The following ZNF490 variants were observed in gnomAD, a reference collection of about 807,000 sequenced individuals.
ZNF490 encodes the protein zinc finger protein 490.
In ZNF490, 11 loss-of-function variants were observed where a neutral mutation model predicts 17.7. The ratio of observed to expected loss-of-function variants is 0.62; its 90% confidence interval spans 0.39 to 1.03. The LOEUF (loss-of-function observed/expected upper bound fraction) is 1.03. Ranked by LOEUF, ZNF490 falls within the 50% of genes least tolerant of loss-of-function variation. The probability of loss-of-function intolerance (pLI) is 0.00; values close to 1 mark genes in which losing one functional copy is unlikely to be tolerated. For synonymous variants in ZNF490, 222 were observed against 216.1 expected, an observed-to-expected ratio of 1.03 and a Z score of -0.24; for missense variants, 542 against 643.4, an observed-to-expected ratio of 0.84 and a Z score of 1.71.
In ZNF490 at chr19:12,576,491, C is replaced by T. The variant is rs763645939; in HGVS notation, c.*3994G>A. Among the ~76,000 whole-genome samples, 14 of 146,526 alleles carry T rather than the reference C, an allele frequency of 9.6e-5. No individual in the cohort carries two copies. The highest frequency in any genetic ancestry group is 2.0e-4 in the East Asian group (1 of 4,902). ...ACTGCAGTCCAGCTTGGTGACAGAG[C>T]GAGACTGTGTCTCAAAAAAACAACA... On this transcript the variant is annotated 3_prime_UTR_variant, in exon 5 of 5. Coordinates refer to ENST00000311437, the MANE Select transcript of ZNF490 (RefSeq NM_020714.3).
At chr19:12,602,077 T>TACACACACAC (rs1386548305) in intron 2 of ZNF490, among the ~76,000 whole-genome samples, 2 of 59,032 alleles carry the variant, frequency 3.4e-5, no homozygotes, top group African/African-American at 9.7e-5. Context: ...CAGTTCACTA[T>TACACACACAC]ATACACACAC....
Position 12,598,858 on chromosome 19 carries a change from G to A in ZNF490, c.162+10300C>T, listed in dbSNP as rs535099637. On this transcript the variant is annotated intron_variant, in intron 2 of 4. Transcript: ENST00000311437. The stretch of plus-strand genomic sequence containing the variant: ...AAAAATTAGCTAGGCATGGTGGCGC[G>A]CACCTGTAGTCCCAGCTACTAGGGA... Among the ~76,000 whole-genome samples the A allele has an allele frequency of 7.1e-3, 1,072 of 151,560 alleles. 8 individuals carry two copies. Among genetic ancestry groups the A allele is most frequent in the Admixed American group, 0.012 (185 of 15,222 alleles).
chr19:12,598,693 A>G (rs987268990), intron 2 of ZNF490, among the ~76,000 whole-genome samples: 1 of 149,490 alleles, frequency 6.7e-6, no homozygotes, highest in South Asian at 2.2e-4. Context: ...CTCCCTTTTT[A>G]AAACCCAGGA....
Position 12,576,931 on chromosome 19 carries a change from A to G in ZNF490, c.*3554T>C, listed in dbSNP as rs1312405818. On this transcript the variant is annotated 3_prime_UTR_variant, in exon 5 of 5. Coordinates refer to ENST00000311437, the MANE Select transcript of ZNF490 (RefSeq NM_020714.3). ...AAAATCACACACGTTATCACTGTAC[A>G]TACAGGTGGACAGACACAAATTCAC... Among the ~76,000 whole-genome samples, 1 of 152,052 alleles carries G rather than the reference A, an allele frequency of 6.6e-6. No homozygotes were observed. Among genetic ancestry groups the G allele is most frequent in the East Asian group, 1.9e-4 (1 of 5,196 alleles).
intron 1 of ZNF490, among the ~76,000 whole-genome samples, chr19:12,610,273 A>T (rs1468889374): frequency 6.7e-6 from 1 of 149,982 alleles, no homozygotes; most frequent in Non-Finnish European, 1.5e-5. Context: ...TCCTGGAGTC[A>T]AGCGATCCAC....
intron 2 of ZNF490, among the ~76,000 whole-genome samples, chr19:12,605,481 AT>A (rs1389828179): frequency 2.0e-4 from 17 of 84,028 alleles, no homozygotes; most frequent in African/African-American, 9.3e-4. Flanking sequence ...ACCCTGCTCT[AT>A]TAAAAAAAAA....
At chr19:12,582,625 A>G (rs535815585) in intron 4 of ZNF490, among the ~76,000 whole-genome samples, 34 of 151,060 alleles carry the variant, frequency 2.3e-4, no homozygotes, top group African/African-American at 8.3e-4. Context: ...CGATCTCCTG[A>G]TCTCATGATC....
rs1202812658 is a variant in ZNF490 at position 12,579,187 on chromosome 19, A to C, written c.*1298T>G. 6.7e-6 allele frequency: 1 copy of C among 149,412 alleles called. No homozygotes were observed. Among genetic ancestry groups the C allele is most frequent in the African/African-American group, 2.5e-5 (1 of 40,152 alleles). 9.3% of individuals were successfully genotyped at this position (149,412 alleles called of 1,614,324 possible). On this transcript the variant is annotated 3_prime_UTR_variant, in exon 5 of 5. Coordinates refer to ENST00000311437, the MANE Select transcript of ZNF490 (RefSeq NM_020714.3). ...AGAATGGCGTGAACCCAGGAGGCGG[A>C]GCTTGCAGTGAGCTGAGATCGCGCC... is the stretch of plus-strand genomic sequence containing the variant.
At position 12,587,491 on chromosome 19, in the gene ZNF490, T is replaced by C. The variant is rs1450627609; in HGVS notation, c.163-3935A>G. 8.7e-5 allele frequency among the ~76,000 whole-genome samples: 7 copies of C among 80,110 alleles called. 1 individual carries two copies. The highest frequency in any genetic ancestry group is 2.6e-4 in the African/African-American group (7 of 26,926). The allele number at this position is 80,110 out of a possible 152,430, so 52.6% of individuals were successfully genotyped here. On this transcript the variant is annotated intron_variant, in intron 2 of 4. Coordinates refer to ENST00000311437, the MANE Select transcript of ZNF490 (RefSeq NM_020714.3). Reference sequence around the variant, plus strand: ...TGGGGGGAGGGGGGAGGGATAGCATTAGGAGATATACCTAATGTAAATGAC... The same window carrying C: ...TGGGGGGAGGGGGGAGGGATAGCATCAGGAGATATACCTAATGTAAATGAC...
At chr19:12,609,257 A>T in intron 1 of ZNF490, 55 bp from the exon 2 acceptor site, 1 of 1,518,560 alleles carries the variant, frequency 6.6e-7, no homozygotes, top group Non-Finnish European at 9.1e-7. Context: ...AGAACTAAAC[A>T]TGACCTTTGA....
chr19:12,578,513 T>G lies in ZNF490; in HGVS notation c.*1972A>C, dbSNP rs745859180. ...AATGTTTAAACAAGTGTCCAAAGTG[T>G]AGGTTTGAGATGGGAAATGGAGCTG... On this transcript the variant is annotated 3_prime_UTR_variant, in exon 5 of 5. Transcript: ENST00000311437. The G allele has an allele frequency of 2.3e-4, 231 of 985,332 alleles. No homozygotes were observed. The highest frequency in any genetic ancestry group is 2.7e-4 in the Non-Finnish European group (225 of 829,928). 61.0% of individuals were successfully genotyped at this position (985,332 alleles called of 1,614,324 possible).
chr19:12,605,651 T>C (rs2023059018), intron 2 of ZNF490, among the ~76,000 whole-genome samples: 1 of 152,282 alleles, frequency 6.6e-6, no homozygotes, highest in African/African-American at 2.4e-5. Context: ...GACTTACAAC[T>C]GACATTTGCA....
chr19:12,600,440 T>C (rs2022989154), intron 2 of ZNF490, among the ~76,000 whole-genome samples: 1 of 152,110 alleles, frequency 6.6e-6, no homozygotes, highest in Non-Finnish European at 1.5e-5. Flanking sequence ...TTTGGCTTAT[T>C]TGGTACAAAA....
chr19:12,590,799 T>A (rs1203721624), intron 2 of ZNF490, among the ~76,000 whole-genome samples: 3 of 152,088 alleles, frequency 2.0e-5, no homozygotes, highest in African/African-American at 7.2e-5. Flanking sequence ...CAAAGGCAGC[T>A]GGGTGTGGTG....
At position 12,609,214 on chromosome 19, in the gene ZNF490, C is replaced by A. The variant is rs141360111; in HGVS notation, c.118-12G>T. On this transcript the variant is annotated splice_polypyrimidine_tract_variant and intron_variant, in intron 1 of 4. Coordinates refer to ENST00000311437, the MANE Select transcript of ZNF490 (RefSeq NM_020714.3). ...TCACTGTTCTGCATCTAATTAGAAA[C>A]AAGAGGATGCATTTTGTGAGTTTCA... is the stretch of plus-strand genomic sequence containing the variant. 2 of 1,613,504 alleles carry A rather than the reference C, an allele frequency of 1.2e-6. No individual in the cohort carries two copies. Among genetic ancestry groups the A allele is most frequent in the East Asian group, 2.2e-5 (1 of 44,868 alleles).
At chr19:12,589,910 G>GTATGTATT (rs1437083417) in intron 2 of ZNF490, among the ~76,000 whole-genome samples, 15 of 50,832 alleles carry the variant, frequency 3.0e-4, no homozygotes, top group Admixed American at 2.3e-3. Flanking sequence ...ATGTATGTAT[G>GTATGTATT]TATTTATTTA....
At position 12,580,772 on chromosome 19, in the gene ZNF490, T is replaced by C. The variant is rs377377938; in HGVS notation, c.1303A>G (p.Ile435Val). Reference protein sequence around the residue: ...KAFLYSTHFRIHERTHTREKP... With the variant: ...KAFLYSTHFRVHERTHTREKP... ...TCTCTAGTATGGGTTCTTTCATGGA[T>C]TCGAAAGTGAGTGGAATAAAGAAAG... is the stretch of plus-strand genomic sequence containing the variant. Residue 435 changes from isoleucine (I) to valine (V), a missense_variant, in exon 5 of 5, where the codon ATC becomes GTC. Ile to Val is a conservative substitution (Grantham distance 29). Transcript: ENST00000311437. The C allele has an allele frequency of 5.0e-6, 8 of 1,614,100 alleles. No homozygotes were observed. In the African/African-American group the frequency reaches 8.0e-5, roughly 16 times the overall value.
intron 2 of ZNF490, among the ~76,000 whole-genome samples, chr19:12,594,770 CAG>C (rs917663760): frequency 2.0e-5 from 3 of 152,190 alleles, no homozygotes; most frequent in African/African-American, 7.2e-5. Context: ...GCCTGGGCGA[CAG>C]AGTGAGAGTC....
At chr19:12,582,699 T>C in intron 4 of ZNF490, 151 bp downstream of exon 4, 1 of 743,732 alleles carries the variant, frequency 1.3e-6, no homozygotes, top group Non-Finnish European at 2.3e-6. Context: ...TGGCTGCCCA[T>C]GACAGTTTCA....
Sources: gnomAD v4.1 joint callset for allele counts (sites outside exome capture counted in the v4.1 genomes callset) on GRCh38, gnomAD v4.1.1 for gene constraint, MANE v1.5 for transcripts, NCBI Gene and HGNC (gene_info 2026-07-23, HGNC 2026-07-21) for gene names.